The following GRIA1 variants were observed in gnomAD, a reference collection of about 807,000 sequenced individuals.
GRIA1 encodes the protein glutamate receptor 1.
In GRIA1, 31 loss-of-function variants were observed where a neutral mutation model predicts 99.2. The observed-to-expected ratio is 0.31, with a 90% CI of 0.23 to 0.42. GRIA1 has a LOEUF of 0.42. Ranked by LOEUF, GRIA1 falls within the 10% of genes least tolerant of loss-of-function variation. The pLI is 1.00. For missense variants in GRIA1, 782 were observed against 1,157.5 expected (o/e 0.68, Z 4.71); for synonymous variants, 438 against 432.4 (o/e 1.01, Z -0.16).
intron 14 of GRIA1, among the ~76,000 whole-genome samples, chr5:153,799,143 G>T (rs974386738): frequency 2.0e-5 from 3 of 152,094 alleles, no homozygotes; most frequent in African/African-American, 4.8e-5. Context: ...AGGAGAATGG[G>T]GTACCCTGAG....
rs1753842602 is a variant in GRIA1 at position 153,490,816 on chromosome 5, T to A, written c.-73T>A. On this transcript the variant is annotated 5_prime_UTR_variant, in exon 1 of 16. Coordinates refer to ENST00000285900, the MANE Select transcript of GRIA1 (RefSeq NM_000827.4). ...AGAACAGGCAGAACAGCGAGAAGAA[T>A]AAAGGGAAAGGGGGGGAAACACCAA... The A allele has an allele frequency of 1.8e-6, 2 of 1,089,068 alleles. No individual in the cohort carries two copies. 67.5% of individuals were successfully genotyped at this position (1,089,068 alleles called of 1,614,324 possible).
At position 153,738,720 on chromosome 5, in the gene GRIA1, C is replaced by CTTTTTTTTTTT. The variant is rs55874747; in HGVS notation, c.1824-25706_1824-25696dup. ...TGTTGCGTGTTCATCTCCATACCTT[C>CTTTTTTTTTTT]TTTTTTTTTTTTTTTTTTGGAGAAG... On this transcript the variant is annotated intron_variant, in intron 11 of 15. Coordinates refer to ENST00000285900, the MANE Select transcript of GRIA1 (RefSeq NM_000827.4). Among the ~76,000 whole-genome samples, 423 of 102,322 alleles carry CTTTTTTTTTTT rather than the reference C, an allele frequency of 4.1e-3. 28 individuals are homozygous for CTTTTTTTTTTT. Among genetic ancestry groups the CTTTTTTTTTTT allele is most frequent in the African/African-American group, 0.015 (367 of 24,698 alleles). 67.1% of individuals were successfully genotyped at this position (102,322 alleles called of 152,430 possible).
At chr5:153,500,794 C>A (rs980532660) in intron 2 of GRIA1, among the ~76,000 whole-genome samples, 6 of 152,010 alleles carry the variant, frequency 3.9e-5, no homozygotes, top group Non-Finnish European at 8.8e-5. Context: ...CACACACACA[C>A]CCCACACACC....
intron 2 of GRIA1, among the ~76,000 whole-genome samples, chr5:153,583,163 G>T (rs1158582388): frequency 6.7e-6 from 1 of 149,706 alleles, no homozygotes; most frequent in Non-Finnish European, 1.5e-5. Flanking sequence ...GAACTCCTGG[G>T]CTCAAGTGAT....
At chr5:153,677,286 G>T (rs1285335126) in intron 7 of GRIA1, 125 bp downstream of exon 7, 8 of 710,304 alleles carry the variant, frequency 1.1e-5, no homozygotes, top group Non-Finnish European at 1.6e-5. Context: ...AACAACCACT[G>T]CATTGTTGGT....
At chr5:153,691,592 T>C (rs1474769845) in intron 8 of GRIA1, among the ~76,000 whole-genome samples, 2 of 152,220 alleles carry the variant, frequency 1.3e-5, no homozygotes, top group Non-Finnish European at 2.9e-5. Flanking sequence ...TCTTCTAAAG[T>C]CCCAAAGAAT....
chr5:153,507,938 A>G (rs773305965), intron 2 of GRIA1, among the ~76,000 whole-genome samples: 1 of 152,154 alleles, frequency 6.6e-6, no homozygotes, highest in South Asian at 2.1e-4. Flanking sequence ...CTTTGGTCAT[A>G]CTACTGATTC....
intron 2 of GRIA1, among the ~76,000 whole-genome samples, chr5:153,546,423 A>T (rs779486290): frequency 1.3e-5 from 2 of 152,204 alleles, no homozygotes; most frequent in African/African-American, 2.4e-5. Flanking sequence ...TGCTAAAGTC[A>T]TTCCCATAGG....
chr5:153,731,783 A>C (rs1395809632), intron 11 of GRIA1, among the ~76,000 whole-genome samples: 1 of 152,186 alleles, frequency 6.6e-6, no homozygotes, highest in East Asian at 1.9e-4. Context: ...TTATATGAGC[A>C]AATTTCAAGT....
chr5:153,669,697 A>T (rs1359230435), intron 5 of GRIA1, among the ~76,000 whole-genome samples: 1 of 152,214 alleles, frequency 6.6e-6, no homozygotes, highest in African/African-American at 2.4e-5. Flanking sequence ...CATTCTTTCC[A>T]ATTCTATACT....
At chr5:153,510,467 G>A (rs1755956284) in intron 2 of GRIA1, among the ~76,000 whole-genome samples, 1 of 152,186 alleles carries the variant, frequency 6.6e-6, no homozygotes, top group African/African-American at 2.4e-5. Context: ...TGTGAACAGA[G>A]ATTGTCTGCG....
At chr5:153,592,420 G>T (rs1764053031) in intron 2 of GRIA1, among the ~76,000 whole-genome samples, 1 of 152,174 alleles carries the variant, frequency 6.6e-6, no homozygotes, top group Admixed American at 6.5e-5. Context: ...GTCTCTTTGT[G>T]GTTTTGAGCA....
intron 12 of GRIA1, among the ~76,000 whole-genome samples, chr5:153,768,772 A>G (rs1186701573): frequency 6.6e-6 from 1 of 152,228 alleles, no homozygotes; most frequent in Non-Finnish European, 1.5e-5. Context: ...TCTGAAATCT[A>G]TATATTAACA....
chr5:153,764,148 T>G (rs1763360141), intron 11 of GRIA1, among the ~76,000 whole-genome samples: 1 of 152,250 alleles, frequency 6.6e-6, no homozygotes, highest in Non-Finnish European at 1.5e-5. Context: ...GTCTTTGTCA[T>G]CATGTGTCTT....
intron 2 of GRIA1, among the ~76,000 whole-genome samples, chr5:153,542,985 A>G (rs1759267947): frequency 6.6e-6 from 1 of 152,244 alleles, no homozygotes; most frequent in Non-Finnish European, 1.5e-5. Flanking sequence ...TGATAAAAAT[A>G]CACTTCTTAG....
At chr5:153,552,783 C>T (rs1292492105) in intron 2 of GRIA1, among the ~76,000 whole-genome samples, 1 of 152,148 alleles carries the variant, frequency 6.6e-6, no homozygotes, top group Non-Finnish European at 1.5e-5. Context: ...CTTCTGGTCC[C>T]CCAATCATAT....
At chr5:153,649,517 G>A (rs1350684964) in intron 3 of GRIA1, among the ~76,000 whole-genome samples, 1 of 152,186 alleles carries the variant, frequency 6.6e-6, no homozygotes, top group Non-Finnish European at 1.5e-5. Flanking sequence ...GAGTGCAATG[G>A]CACGATGTGG....
At chr5:153,755,749 A>T (rs1762787302) in intron 11 of GRIA1, 1 of 152,214 alleles carries the variant, frequency 6.6e-6, no homozygotes, top group Admixed American at 6.5e-5. Flanking sequence ...AACAACAATA[A>T]GAATTCTGCA....
intron 2 of GRIA1, among the ~76,000 whole-genome samples, chr5:153,530,546 T>C (rs1352466732): frequency 6.6e-6 from 1 of 152,224 alleles, no homozygotes; most frequent in Non-Finnish European, 1.5e-5. Flanking sequence ...TTGTGAGTGT[T>C]GCTATCTCTC....
Sources: gnomAD v4.1 joint callset for allele counts (sites outside exome capture counted in the v4.1 genomes callset) on GRCh38, gnomAD v4.1.1 for gene constraint, MANE v1.5 for transcripts, NCBI Gene and HGNC (gene_info 2026-07-23, HGNC 2026-07-21) for gene names.